The following LHFPL3 variants were observed in gnomAD, a reference collection of about 807,000 sequenced individuals.
The protein encoded by LHFPL3 is LHFPL tetraspan subfamily member 3 protein.
In LHFPL3, 5 loss-of-function variants were observed where a neutral mutation model predicts 19.3. The observed-to-expected ratio is 0.26, with a 90% confidence interval of 0.14 to 0.54. The LOEUF (loss-of-function observed/expected upper bound fraction) is 0.54, where lower values mean the gene tolerates loss of function less well. Among genes scored for constraint, LHFPL3 ranks in the 20% least tolerant of loss-of-function variants. The pLI is 0.94. For synonymous variants in LHFPL3, 133 were observed against 126.2 expected (o/e 1.05, Z -0.36); for missense variants, 249 against 307.4 (o/e 0.81, Z 1.42).
At chr7:104,775,415 A>C (rs1794622351) in intron 2 of LHFPL3, among the ~76,000 whole-genome samples, 2 of 152,208 alleles carry the variant, frequency 1.3e-5, no homozygotes, top group South Asian at 2.1e-4. Context: ...ATCAATCAAT[A>C]CAGCTACTAA....
chr7:104,534,100 T>A (rs1356456148), intron 1 of LHFPL3, among the ~76,000 whole-genome samples: 2 of 152,194 alleles, frequency 1.3e-5, no homozygotes, highest in African/African-American at 4.8e-5. Flanking sequence ...TTCCCTGCAT[T>A]ATTCAAACAG....
intron 2 of LHFPL3, among the ~76,000 whole-genome samples, chr7:104,891,130 T>C (rs952591875): frequency 4.0e-5 from 6 of 151,738 alleles, no homozygotes; most frequent in Non-Finnish European, 8.8e-5. Flanking sequence ...TAAGGGTCTG[T>C]TTTGAATGGT....
chr7:104,379,790 T>C (rs1790791804), intron 1 of LHFPL3, among the ~76,000 whole-genome samples: 1 of 152,210 alleles, frequency 6.6e-6, no homozygotes, highest in South Asian at 2.1e-4. Context: ...AGCTCTGCTA[T>C]ACAGAGGAAG....
At chr7:104,548,896 G>A (rs186061943) in intron 1 of LHFPL3, among the ~76,000 whole-genome samples, 10 of 152,266 alleles carry the variant, frequency 6.6e-5, no homozygotes. Flanking sequence ...CAAAACAACA[G>A]GACCACAGCT....
chr7:104,702,024 C>G (rs1312271906), intron 1 of LHFPL3, among the ~76,000 whole-genome samples: 1 of 152,118 alleles, frequency 6.6e-6, no homozygotes, highest in African/African-American at 2.4e-5. Context: ...TATCCCTCCC[C>G]TAGACCCCCA....
chr7:104,855,369 T>C (rs1791483086), intron 2 of LHFPL3, among the ~76,000 whole-genome samples: 1 of 152,248 alleles, frequency 6.6e-6, no homozygotes, highest in Non-Finnish European at 1.5e-5. Context: ...CTTTTAATGC[T>C]GATCAAGATG....
intron 1 of LHFPL3, among the ~76,000 whole-genome samples, chr7:104,596,551 T>G (rs1256884214): frequency 6.6e-6 from 1 of 152,220 alleles, no homozygotes; most frequent in Non-Finnish European, 1.5e-5. Flanking sequence ...TATCGAATGA[T>G]TAGGAAATTA....
chr7:104,728,796 C>A (rs1793636294), intron 1 of LHFPL3, among the ~76,000 whole-genome samples: 1 of 152,126 alleles, frequency 6.6e-6, no homozygotes, highest in South Asian at 2.1e-4. Context: ...ATGTCCCTTT[C>A]CTGGTCACTG....
chr7:104,803,765 A>G (rs1201001322), intron 2 of LHFPL3, among the ~76,000 whole-genome samples: 1 of 152,218 alleles, frequency 6.6e-6, no homozygotes, highest in African/African-American at 2.4e-5. Context: ...GGCAAAATAT[A>G]TATTTGCTGA....
intron 2 of LHFPL3, among the ~76,000 whole-genome samples, chr7:104,752,964 C>G (rs1044737969): frequency 6.6e-6 from 1 of 152,214 alleles, no homozygotes; most frequent in Non-Finnish European, 1.5e-5. Context: ...GATATTGACA[C>G]ATTATTATCA....
chr7:104,573,940 A>G (rs146452044), intron 1 of LHFPL3, among the ~76,000 whole-genome samples: 17 of 152,320 alleles, frequency 1.1e-4, no homozygotes, highest in Non-Finnish European at 2.4e-4. Flanking sequence ...TGACATTCGT[A>G]CACAAAAGAG....
intron 1 of LHFPL3, among the ~76,000 whole-genome samples, chr7:104,670,876 T>TTTTTTTG (rs1792466536): frequency 6.6e-6 from 1 of 152,064 alleles, no homozygotes; most frequent in African/African-American, 2.4e-5. Flanking sequence ...GTTTTTTTTT[T>TTTTTTTG]TTTAAGCTTC....
At position 104,729,079 on chromosome 7, in the gene LHFPL3, A is replaced by G. The variant is rs137941272; in HGVS notation, c.446-7596A>G. 1.8e-3 allele frequency among the ~76,000 whole-genome samples: 270 copies of G among 152,360 alleles called. 1 individual carries two copies. The highest frequency in any genetic ancestry group is 6.2e-3 in the African/African-American group (259 of 41,594). On this transcript the variant is annotated intron_variant, in intron 1 of 2. Transcript: ENST00000424859. ...GATATTTGGGAAATTGAATATCAGT[A>G]TTCTCCAGGATTTCTTAATTTCCAT...
At chr7:104,713,675 C>T (rs1584493096) in intron 1 of LHFPL3, among the ~76,000 whole-genome samples, 1 of 152,184 alleles carries the variant, frequency 6.6e-6, no homozygotes, top group African/African-American at 2.4e-5. Context: ...AACTAGCAGA[C>T]TTTACCAGTA....
chr7:104,554,688 TAGACAGAC>T lies in LHFPL3; in HGVS notation c.446-181983_446-181976del, dbSNP rs376205691. On this transcript the variant is annotated intron_variant, in intron 1 of 2. Coordinates refer to ENST00000424859, the MANE Select transcript of LHFPL3 (RefSeq NM_199000.3). ...ATAGATAGATAGATAGATAGATAGA[TAGACAGAC>T]AGATGATGAGAGGGGATTTATTATG... 6.4e-3 allele frequency among the ~76,000 whole-genome samples: 777 copies of T among 121,014 alleles called. 3 individuals carry two copies. Among genetic ancestry groups the T allele is most frequent in the African/African-American group, 0.026 (746 of 28,952 alleles). The allele number at this position is 121,014 out of a possible 152,430, so 79.4% of individuals were successfully genotyped here. A position where few individuals can be genotyped will look rare whatever the true frequency, so the allele number is the denominator to read the frequency against.
chr7:104,647,997 T>C (rs1353187404), intron 1 of LHFPL3, among the ~76,000 whole-genome samples: 1 of 152,194 alleles, frequency 6.6e-6, no homozygotes. Flanking sequence ...CTAAAATGGA[T>C]TAACTCGTAT....
chr7:104,427,008 CTAAT>C (rs1223728005), intron 1 of LHFPL3, among the ~76,000 whole-genome samples: 1 of 152,140 alleles, frequency 6.6e-6, no homozygotes, highest in East Asian at 1.9e-4. Context: ...TAATAAATAA[CTAAT>C]AAATAGTTAT....
At chr7:104,483,884 CAA>C (rs1252323412) in intron 1 of LHFPL3, among the ~76,000 whole-genome samples, 1 of 152,164 alleles carries the variant, frequency 6.6e-6, no homozygotes, top group Non-Finnish European at 1.5e-5. Context: ...CTTGGCCTCC[CAA>C]AGTGTTGGGA....
At chr7:104,451,473 T>C (rs1203186017) in intron 1 of LHFPL3, among the ~76,000 whole-genome samples, 1 of 152,222 alleles carries the variant, frequency 6.6e-6, no homozygotes, top group Non-Finnish European at 1.5e-5. Context: ...TCTCTGTTTG[T>C]CTTCTGCAAT....
Sources: allele counts gnomAD v4.1 joint callset (sites outside exome capture counted in the v4.1 genomes callset), GRCh38; gene constraint gnomAD v4.1.1; transcripts MANE v1.5; gene names NCBI Gene and HGNC (gene_info 2026-07-23, HGNC 2026-07-21).